DCDC1: variants seen among roughly 807,000 people sequenced by gnomAD.
DCDC1 encodes doublecortin domain-containing protein 1.
In DCDC1, 200 loss-of-function variants were observed where a neutral mutation model predicts 178.3. The ratio of observed to expected loss-of-function variants is 1.12; its 90% confidence interval spans 1.00 to 1.26. The LOEUF is 1.26. DCDC1 is among the 50% of genes most tolerant of loss of function. DCDC1 has a pLI of 0.00. For synonymous variants in DCDC1, 690 were observed against 604.8 expected (o/e 1.14, Z -2.07); for missense variants, 1,983 against 1,749.2 (o/e 1.13, Z -2.38).
intron 9 of DCDC1, among the ~76,000 whole-genome samples, chr11:31,228,319 A>G (rs1397953017): frequency 6.6e-6 from 1 of 152,122 alleles, no homozygotes; most frequent in African/African-American, 2.4e-5. Flanking sequence ...ATTTCTAAAT[A>G]ACAGATGTGA....
chr11:30,922,426 T>C (rs1263759719), intron 24 of DCDC1, 77 bp downstream of exon 24: 16 of 1,404,178 alleles, frequency 1.1e-5, no homozygotes, highest in East Asian at 2.7e-5. Context: ...TAAACAAACT[T>C]TGACTTTTTA....
chr11:31,199,144 C>G (rs1971017054), intron 9 of DCDC1, among the ~76,000 whole-genome samples: 1 of 151,978 alleles, frequency 6.6e-6, no homozygotes. Context: ...CAATGATTCA[C>G]ATTTATTGAG....
chr11:31,217,284 G>A (rs765274597), intron 9 of DCDC1, among the ~76,000 whole-genome samples: 3 of 152,106 alleles, frequency 2.0e-5, no homozygotes, highest in African/African-American at 7.2e-5. Context: ...AAGTCTATTT[G>A]TAAGTATATA....
At chr11:31,281,041 C>A in intron 7 of DCDC1, 1 of 502,262 alleles carries the variant, frequency 2.0e-6, no homozygotes, top group South Asian at 1.7e-5. Flanking sequence ...GCTAGACGTC[C>A]CATTCTCCTT....
At chr11:31,248,810 G>T (rs895661516) in intron 8 of DCDC1, among the ~76,000 whole-genome samples, 2 of 151,944 alleles carry the variant, frequency 1.3e-5, no homozygotes, top group Non-Finnish European at 2.9e-5. Flanking sequence ...ACATATTTTT[G>T]TCTACGATTT....
At chr11:30,894,931 A>T (rs1049672186) in intron 34 of DCDC1, among the ~76,000 whole-genome samples, 1 of 152,190 alleles carries the variant, frequency 6.6e-6, no homozygotes, top group Admixed American at 6.5e-5. Context: ...AGGAAGCTGT[A>T]GTAAGAGAAA....
chr11:31,210,300 A>G (rs1972339068), intron 9 of DCDC1, among the ~76,000 whole-genome samples: 1 of 152,348 alleles, frequency 6.6e-6, no homozygotes, highest in African/African-American at 2.4e-5. Flanking sequence ...AATTGTTCCC[A>G]GTTCCAGAAA....
intron 20 of DCDC1, among the ~76,000 whole-genome samples, chr11:30,967,195 G>A (rs1949485033): frequency 1.6e-5 from 2 of 122,880 alleles, no homozygotes; most frequent in East Asian, 4.7e-4. Flanking sequence ...ACCTTGGGCA[G>A]TATGGCCATT....
At chr11:31,263,815 G>A (rs1460829668) in intron 8 of DCDC1, among the ~76,000 whole-genome samples, 1 of 152,148 alleles carries the variant, frequency 6.6e-6, no homozygotes, top group East Asian at 1.9e-4. Flanking sequence ...CACTACCCTT[G>A]CAGTTAAAGG....
intron 25 of DCDC1, among the ~76,000 whole-genome samples, chr11:30,920,556 T>C (rs1015248360): frequency 2.0e-5 from 3 of 152,192 alleles, no homozygotes; most frequent in African/African-American, 7.2e-5. Flanking sequence ...AATAATAACA[T>C]TGTAACAATA....
intron 37 of DCDC1, among the ~76,000 whole-genome samples, chr11:30,880,528 C>A (rs191101784): frequency 3.3e-5 from 5 of 152,216 alleles, no homozygotes; most frequent in Admixed American, 2.0e-4. Context: ...AATTCATTAC[C>A]TAATCTTTTA....
chr11:31,283,020 T>G (rs2137301506), intron 7 of DCDC1, among the ~76,000 whole-genome samples: 1 of 152,322 alleles, frequency 6.6e-6, no homozygotes, highest in African/African-American at 2.4e-5. Flanking sequence ...CTTTTCTATT[T>G]ATCACTGCTT....
rs1329983588 is a variant in DCDC1, at chr11:30,915,746, A to T, written c.3453-35T>A. Reference sequence around the variant, plus strand: ...AGAAATCTCTATTAGTGGCAGAAAAATGTCCCATGCACTTGATCATGCACT... The same window carrying T: ...AGAAATCTCTATTAGTGGCAGAAAATTGTCCCATGCACTTGATCATGCACT... On this transcript the variant is annotated intron_variant, in intron 26 of 38. Transcript: ENST00000684477. 5 of 1,582,120 alleles carry T rather than the reference A, an allele frequency of 3.2e-6. 1 individual carries two copies. The highest frequency in any genetic ancestry group is 3.6e-5 in the Admixed American group (2 of 54,836).
At chr11:31,111,183 A>G (rs1415433202) in intron 11 of DCDC1, among the ~76,000 whole-genome samples, 1 of 152,054 alleles carries the variant, frequency 6.6e-6, no homozygotes, top group Non-Finnish European at 1.5e-5. Flanking sequence ...TTTTTTCTCA[A>G]AAGTTCTTTT....
chr11:31,066,173 T>C (rs1430867394), intron 18 of DCDC1, among the ~76,000 whole-genome samples: 1 of 152,260 alleles, frequency 6.6e-6, no homozygotes, highest in Non-Finnish European at 1.5e-5. Flanking sequence ...AAAATTTTAA[T>C]TTGTTTTGTG....
intron 21 of DCDC1, among the ~76,000 whole-genome samples, chr11:30,944,794 C>T (rs1259481968): frequency 6.6e-6 from 1 of 151,850 alleles, no homozygotes; most frequent in East Asian, 1.9e-4. Flanking sequence ...TAGTTCTTTC[C>T]TTTTGGTTTA....
intron 18 of DCDC1, among the ~76,000 whole-genome samples, chr11:31,066,437 TATAAA>T (rs1232312641): frequency 1.3e-5 from 2 of 152,194 alleles, no homozygotes; most frequent in Admixed American, 6.6e-5. Context: ...TCAATTATAA[TATAAA>T]CTCCTTACTG....
chr11:30,980,523 T>TG (rs1361429246), intron 20 of DCDC1, among the ~76,000 whole-genome samples: 1 of 152,064 alleles, frequency 6.6e-6, no homozygotes, highest in African/African-American at 2.4e-5. Flanking sequence ...ATATTGGACA[T>TG]GGGGGATGGT....
At chr11:30,945,908 C>T (rs929794523) in intron 21 of DCDC1, among the ~76,000 whole-genome samples, 10 of 152,126 alleles carry the variant, frequency 6.6e-5, no homozygotes, top group Admixed American at 6.6e-5. Context: ...GATATTCCAA[C>T]TAGAAGTGTC....
Sources: allele counts gnomAD v4.1 joint callset (sites outside exome capture counted in the v4.1 genomes callset), GRCh38; gene constraint gnomAD v4.1.1; transcripts MANE v1.5; gene names NCBI Gene and HGNC (gene_info 2026-07-23, HGNC 2026-07-21).